The following SPEN variants were observed in gnomAD, a reference collection of about 807,000 sequenced individuals.
SPEN encodes spen family transcriptional repressor.
In SPEN, 18 loss-of-function variants were observed where a neutral mutation model predicts 269.9. The ratio of observed to expected loss-of-function variants is 0.07; its 90% CI spans 0.05 to 0.10. The LOEUF (loss-of-function observed/expected upper bound fraction) is 0.10, where lower values mean the gene tolerates loss of function less well. Ranked by LOEUF, SPEN falls within the 10% of genes least tolerant of loss-of-function variation. SPEN has a pLI of 1.00. For synonymous variants in SPEN, 1,726 were observed against 1,765.7 expected (o/e 0.98, Z 0.56); for missense variants, 3,822 against 4,631.2 (o/e 0.83, Z 5.07).
At position 15,865,820 on chromosome 1, in the gene SPEN, A is replaced by AT. The variant is rs2070500877; in HGVS notation, c.84-6988dup. 2.7e-5 allele frequency among the ~76,000 whole-genome samples: 4 copies of AT among 148,112 alleles called. 1 individual carries two copies. In the East Asian group the frequency reaches 6.0e-4, roughly 22 times the overall value. On this transcript the variant is annotated intron_variant, in intron 1 of 14. Transcript: ENST00000375759. ...CATTTATTTCTCAAGTGTTGCAAGT[A>AT]TTTTTTTTCTCCATTTGTCTTTTGA...
intron 1 of SPEN, among the ~76,000 whole-genome samples, chr1:15,867,407 A>G (rs889802825): frequency 6.6e-6 from 1 of 152,094 alleles, no homozygotes; most frequent in Admixed American, 6.6e-5. Context: ...CATGTTGCGC[A>G]GGCTGGTCTC....
chr1:15,888,617 C>T (rs2070760712), intron 3 of SPEN, among the ~76,000 whole-genome samples: 1 of 151,728 alleles, frequency 6.6e-6, no homozygotes, highest in African/African-American at 2.4e-5. Context: ...AGCTACCACA[C>T]CCAGCCAAAG....
intron 3 of SPEN, among the ~76,000 whole-genome samples, chr1:15,887,279 T>TA (rs1381169305): frequency 3.9e-5 from 5 of 129,780 alleles, no homozygotes; most frequent in Non-Finnish European, 6.5e-5. Context: ...GGCCTGAATT[T>TA]TTTTTTTTTT....
intron 8 of SPEN, 92 bp from the exon 9 acceptor site, chr1:15,920,778 A>G (rs921930623): frequency 1.2e-5 from 6 of 519,310 alleles, no homozygotes; most frequent in African/African-American, 9.9e-5. Flanking sequence ...ATTTTTTCTC[A>G]TCCGTGTCCT....
At chr1:15,891,392 C>T (rs1426287793) in intron 3 of SPEN, among the ~76,000 whole-genome samples, 1 of 150,962 alleles carries the variant, frequency 6.6e-6, no homozygotes, top group Non-Finnish European at 1.5e-5. Context: ...GGCTCTGTCG[C>T]CCAGGCTGGA....
intron 1 of SPEN, 60 bp from the exon 2 acceptor site, chr1:15,872,755 TA>T: frequency 7.0e-7 from 1 of 1,419,842 alleles, no homozygotes; most frequent in Non-Finnish European, 9.4e-7. Flanking sequence ...AAAAAAAATC[TA>T]AAAACTCATT....
At chr1:15,877,224 T>C (rs2070640782) in intron 3 of SPEN, among the ~76,000 whole-genome samples, 1 of 152,198 alleles carries the variant, frequency 6.6e-6, no homozygotes, top group Non-Finnish European at 1.5e-5. Flanking sequence ...GTTGTAACTT[T>C]ACTGTTCTGT....
intron 3 of SPEN, among the ~76,000 whole-genome samples, chr1:15,878,006 G>A (rs12125239): frequency 0.081 from 12,335 of 152,030 alleles, 607 homozygotes; most frequent in African/African-American, 0.12. Flanking sequence ...TGGCCTCCCA[G>A]AGTGTTGGGA....
At chr1:15,849,689 G>C (rs1416532625) in intron 1 of SPEN, among the ~76,000 whole-genome samples, 1 of 152,108 alleles carries the variant, frequency 6.6e-6, no homozygotes, top group African/African-American at 2.4e-5. Context: ...GGGCTGGATT[G>C]GGAAGCAGAT....
chr1:15,936,291 C>CT, intron 11 of SPEN, 25 bp downstream of exon 11: 1 of 1,521,276 alleles, frequency 6.6e-7, no homozygotes. Flanking sequence ...TATCTCCCCA[C>CT]TGTCTGTTGG....
intron 3 of SPEN, among the ~76,000 whole-genome samples, chr1:15,894,533 G>GTGGTTTTTTTTT (rs1557746623): frequency 7.4e-6 from 1 of 136,014 alleles, no homozygotes; most frequent in African/African-American, 3.0e-5. Context: ...CCATATTATG[G>GTGGTTTTTTTTT]TTGTTTTTTT....
At chr1:15,915,475 C>G (rs537476869) in intron 5 of SPEN, among the ~76,000 whole-genome samples, 1 of 152,160 alleles carries the variant, frequency 6.6e-6, no homozygotes, top group Non-Finnish European at 1.5e-5. Context: ...GGTGGCAGAG[C>G]GAGACTCTGT....
At chr1:15,889,285 C>A (rs2070767948) in intron 3 of SPEN, among the ~76,000 whole-genome samples, 1 of 151,622 alleles carries the variant, frequency 6.6e-6, no homozygotes, top group South Asian at 2.1e-4. Context: ...CCTGCCTCAG[C>A]CTCCTGAGTA....
intron 1 of SPEN, among the ~76,000 whole-genome samples, chr1:15,849,760 C>T (rs183027335): frequency 1.7e-3 from 263 of 152,254 alleles, no homozygotes; most frequent in African/African-American, 6.1e-3. Context: ...CCTGGCTTCT[C>T]CTCGAGTATC....
chr1:15,868,475 C>T (rs2070539680), intron 1 of SPEN, among the ~76,000 whole-genome samples: 2 of 149,940 alleles, frequency 1.3e-5, no homozygotes, highest in Admixed American at 1.3e-4. Flanking sequence ...TGCTCTGTTG[C>T]CCAGGCTGGA....
At chr1:15,938,926 G>C in intron 14 of SPEN, 50 bp downstream of exon 14, 1 of 1,590,360 alleles carries the variant, frequency 6.3e-7, no homozygotes, top group Non-Finnish European at 8.6e-7. Context: ...AGGTGGGGCT[G>C]ATCAGGGTAG....
At chr1:15,913,825 C>A (rs1376935803) in intron 5 of SPEN, among the ~76,000 whole-genome samples, 6 of 151,900 alleles carry the variant, frequency 3.9e-5, no homozygotes, top group African/African-American at 9.7e-5. Context: ...CCACTGCACT[C>A]CAGCCTGGGC....
intron 1 of SPEN, among the ~76,000 whole-genome samples, chr1:15,866,076 AATT>A (rs1167584449): frequency 2.0e-5 from 3 of 152,020 alleles, no homozygotes; most frequent in Admixed American, 6.6e-5. Context: ...ATGACAGCTC[AATT>A]ATTATTATTA....
At chr1:15,921,290 G>A (rs796680836) in intron 9 of SPEN, among the ~76,000 whole-genome samples, 17 of 152,222 alleles carry the variant, frequency 1.1e-4, no homozygotes, top group African/African-American at 3.9e-4. Context: ...AGATCATGCC[G>A]TTGCACTCCA....
Sources: gnomAD v4.1 joint callset for allele counts (sites outside exome capture counted in the v4.1 genomes callset) on GRCh38, gnomAD v4.1.1 for gene constraint, MANE v1.5 for transcripts, NCBI Gene and HGNC (gene_info 2026-07-23, HGNC 2026-07-21) for gene names.